Variants in MIPEP observed in about 807,000 individuals in gnomAD.
MIPEP encodes mitochondrial intermediate peptidase.
A neutral mutation model predicts 90.3 loss-of-function variants in MIPEP; 79 were observed. The ratio of observed to expected loss-of-function variants is 0.87; its 90% CI spans 0.73 to 1.05. The LOEUF (loss-of-function observed/expected upper bound fraction) is 1.05, where lower values mean the gene tolerates loss of function less well. Ranked by LOEUF, MIPEP falls within the 50% of genes least tolerant of loss-of-function variation. MIPEP has a pLI of 0.00. For synonymous variants in MIPEP, 334 were observed against 315.8 expected (o/e 1.06, Z -0.61); for missense variants, 940 against 905.6 (o/e 1.04, Z -0.49).
In MIPEP at chr13:23,838,195, G is replaced by A. The variant is rs998770367; in HGVS notation, c.1339-439C>T. 2.0e-5 allele frequency among the ~76,000 whole-genome samples: 3 copies of A among 151,984 alleles called. No individual in the cohort carries two copies. The East Asian group carries it at 5.8e-4, about 29-fold the overall frequency. ...GTCTTGCTCTGTTGCCCAGGCTGGA[G>A]TGCAGTGTTGTGATCGCAGTTCACT... On this transcript the variant is annotated intron_variant, in intron 12 of 18. Coordinates refer to ENST00000382172, the MANE Select transcript of MIPEP (RefSeq NM_005932.4).
intron 18 of MIPEP, 114 bp downstream of exon 18, chr13:23,756,431 A>T: frequency 1.8e-6 from 2 of 1,084,700 alleles, no homozygotes; most frequent in Non-Finnish European, 2.7e-6. Flanking sequence ...TGCTGGGATT[A>T]CAGGCATGAA....
At chr13:23,808,602 T>C (rs1162754535) in intron 15 of MIPEP, among the ~76,000 whole-genome samples, 1 of 152,094 alleles carries the variant, frequency 6.6e-6, no homozygotes, top group Non-Finnish European at 1.5e-5. Context: ...TAAAAGAAAA[T>C]TATCAGAACA....
At chr13:23,818,464 A>ATAAG (rs1953268301) in intron 14 of MIPEP, among the ~76,000 whole-genome samples, 2 of 151,976 alleles carry the variant, frequency 1.3e-5, no homozygotes, top group African/African-American at 4.8e-5. Context: ...AAATAAATAA[A>ATAAG]TAAACTTAAC....
At chr13:23,798,723 C>A (rs979136345) in intron 16 of MIPEP, among the ~76,000 whole-genome samples, 2 of 152,036 alleles carry the variant, frequency 1.3e-5, no homozygotes, top group African/African-American at 2.4e-5. Context: ...GTGGCACCTA[C>A]CCTCTCTCTC....
rs1276852138 is a variant in MIPEP at position 23,889,180 on chromosome 13, GA to G, written c.140del (p.Phe47SerfsTer25). ...AGCGGCTGCCCTGGGGCTTGACATT[GA>G]AGGCGGCGCCCACGGGAGACCAGCT... ...STSWSPVGAA[F>X]NVKPQGSRLD... On this transcript the variant is annotated frameshift_variant, in exon 1 of 19. Coordinates refer to ENST00000382172, the MANE Select transcript of MIPEP (RefSeq NM_005932.4). LOFTEE classifies it high-confidence loss of function. 1 of 1,468,382 alleles carries G rather than the reference GA, an allele frequency of 6.8e-7. No homozygotes were observed. Among genetic ancestry groups the G allele is most frequent in the South Asian group, 1.3e-5 (1 of 74,520 alleles). 91.0% of individuals were successfully genotyped at this position (1,468,382 alleles called of 1,614,324 possible).
intron 9 of MIPEP, among the ~76,000 whole-genome samples, chr13:23,859,455 C>A (rs1328326817): frequency 6.6e-6 from 1 of 152,210 alleles, no homozygotes; most frequent in East Asian, 1.9e-4. Context: ...ATGATTGGCA[C>A]ATAATACTGA....
Position 23,773,541 on chromosome 13 carries a change from C to T in MIPEP, c.1849-13324G>A, listed in dbSNP as rs139583348. Among the ~76,000 whole-genome samples the T allele has an allele frequency of 3.4e-3, 516 of 152,324 alleles. 6 individuals carry two copies. The highest frequency in any genetic ancestry group is 0.012 in the African/African-American group (497 of 41,570). ...TTTAACTTTTTGAGGAGCTATGAGA[C>T]TGTTTCCCAGAGCTGCTGTACCCTT... On this transcript the variant is annotated intron_variant, in intron 16 of 18. Coordinates refer to ENST00000382172, the MANE Select transcript of MIPEP (RefSeq NM_005932.4).
intron 18 of MIPEP, among the ~76,000 whole-genome samples, chr13:23,755,634 T>G (rs1253260124): frequency 6.6e-6 from 1 of 152,186 alleles, no homozygotes; most frequent in Non-Finnish European, 1.5e-5. Flanking sequence ...ATTCATATCT[T>G]CCTATAAATA....
chr13:23,788,937 A>G (rs770703650), intron 16 of MIPEP, among the ~76,000 whole-genome samples: 8 of 152,190 alleles, frequency 5.3e-5, no homozygotes, highest in Non-Finnish European at 7.3e-5. Context: ...CAGCCTCCCA[A>G]GTAGCTGGGA....
chr13:23,741,538 A>T (rs551104262), intron 18 of MIPEP, among the ~76,000 whole-genome samples: 1 of 152,320 alleles, frequency 6.6e-6, no homozygotes, highest in East Asian at 1.9e-4. Context: ...ATGGAGTTGG[A>T]GGCCATTATC....
chr13:23,809,772 C>T, intron 15 of MIPEP, 78 bp downstream of exon 15: 1 of 889,868 alleles, frequency 1.1e-6, no homozygotes, highest in Non-Finnish European at 1.8e-6. Context: ...AAATAGGTAT[C>T]ATTGGCAAGA....
Position 23,812,738 on chromosome 13 carries a change from G to T in MIPEP, c.1654-2814C>A, listed in dbSNP as rs114700314. Among the ~76,000 whole-genome samples the T allele has an allele frequency of 8.7e-3, 1,323 of 152,202 alleles. 18 individuals carry two copies. The highest frequency in any genetic ancestry group is 0.031 in the African/African-American group (1,279 of 41,526). Reference sequence around the variant, plus strand: ...ACCACTGGAGAAAACTGGGTGAAGGGGACATAGGACCTCTCTGCATTTTTG... The same window carrying T: ...ACCACTGGAGAAAACTGGGTGAAGGTGACATAGGACCTCTCTGCATTTTTG... On this transcript the variant is annotated intron_variant, in intron 14 of 18. Transcript: ENST00000382172.
intron 18 of MIPEP, among the ~76,000 whole-genome samples, chr13:23,737,439 C>G (rs1461034335): frequency 1.3e-5 from 2 of 152,120 alleles, no homozygotes; most frequent in Non-Finnish European, 2.9e-5. Context: ...GGGTGGTCTC[C>G]AAGTGCCTGT....
At chr13:23,862,122 G>C (rs1374631408) in intron 9 of MIPEP, among the ~76,000 whole-genome samples, 180 bp downstream of exon 9, 2 of 152,090 alleles carry the variant, frequency 1.3e-5, no homozygotes, top group Non-Finnish European at 2.9e-5. Flanking sequence ...GTATGTACAG[G>C]CAACATCAGT....
intron 15 of MIPEP, among the ~76,000 whole-genome samples, chr13:23,808,563 C>T (rs968995926): frequency 6.6e-5 from 10 of 151,842 alleles, no homozygotes; most frequent in Admixed American, 2.0e-4. Context: ...TTTTGGAGGG[C>T]GGAGGAGGGA....
intron 16 of MIPEP, among the ~76,000 whole-genome samples, chr13:23,787,396 C>T (rs377115023): frequency 9.8e-5 from 7 of 71,480 alleles, no homozygotes; most frequent in East Asian, 4.8e-4. Flanking sequence ...GAGCAAGAGA[C>T]GGGGAGAGGG....
chr13:23,798,941 T>C (rs902015316), intron 16 of MIPEP, among the ~76,000 whole-genome samples: 1 of 152,058 alleles, frequency 6.6e-6, no homozygotes, highest in Admixed American at 6.6e-5. Flanking sequence ...TGAGAATGGA[T>C]TAATACATAT....
At chr13:23,747,082 A>C (rs1011689639) in intron 18 of MIPEP, among the ~76,000 whole-genome samples, 4 of 152,224 alleles carry the variant, frequency 2.6e-5, no homozygotes, top group Non-Finnish European at 5.9e-5. Flanking sequence ...CTCTGGAGGC[A>C]AAAGAGTGTG....
intron 9 of MIPEP, 71 bp downstream of exon 9, chr13:23,862,231 C>G (rs1272667224): frequency 3.1e-6 from 3 of 952,650 alleles, no homozygotes; most frequent in Non-Finnish European, 3.3e-6. Context: ...AAGAAAGTTC[C>G]TGAATCAAAA....
Sources: gnomAD v4.1 joint callset for allele counts (sites outside exome capture counted in the v4.1 genomes callset) on GRCh38, gnomAD v4.1.1 for gene constraint, MANE v1.5 for transcripts, NCBI Gene and HGNC (gene_info 2026-07-23, HGNC 2026-07-21) for gene names.